ARHGAP30: variants seen among roughly 807,000 people sequenced by gnomAD.
ARHGAP30 encodes the protein rho GTPase-activating protein 30.
In ARHGAP30, 23 loss-of-function variants were observed where a neutral mutation model predicts 72.0. That is an observed-to-expected ratio of 0.32 (90% confidence interval 0.23 to 0.45). The LOEUF is 0.45. Ranked by LOEUF, ARHGAP30 falls within the 20% of genes least tolerant of loss-of-function variation. The pLI is 1.00. For missense variants in ARHGAP30, 1,319 were observed against 1,383.4 expected (o/e 0.95, Z 0.74); for synonymous variants, 576 against 528.2 (o/e 1.09, Z -1.24).
At position 161,051,319 on chromosome 1, in the gene ARHGAP30, G is replaced by C. The variant is rs769962234; in HGVS notation, c.1415C>G (p.Pro472Arg). ...GTCAATCAATGGGTCCTCACCTGGG[G>C]GGCCAGGGCCAAGGCCAGGGCCAGG... is the stretch of plus-strand genomic sequence containing the variant. Reference protein sequence around the residue: ...PGPGPGLGPGPPDEKLEASPA... With the variant: ...PGPGPGLGPGRPDEKLEASPA... Residue 472 changes from proline to arginine, a missense_variant, in exon 10 of 12, where the codon CCC (proline) becomes CGC (arginine). Coordinates refer to ENST00000368013, the MANE Select transcript of ARHGAP30 (RefSeq NM_001025598.2). 5 of 1,596,082 alleles carry C rather than the reference G, an allele frequency of 3.1e-6. No individual in the cohort carries two copies. Among genetic ancestry groups the C allele is most frequent in the Non-Finnish European group, 4.3e-6 (5 of 1,171,092 alleles).
intron 1 of ARHGAP30, among the ~76,000 whole-genome samples, chr1:161,066,015 C>T (rs1652740468): frequency 6.6e-6 from 1 of 151,506 alleles, no homozygotes; most frequent in Non-Finnish European, 1.5e-5. Flanking sequence ...CAGGCGCACA[C>T]CACCATGTCC....
Position 161,052,534 on chromosome 1 carries a change from C to T in ARHGAP30, c.846G>A (p.Gly282=). ...IIEIAEHKRK[G]SLKVRKWRSI... ...ACCTCCACTTCCTGACCTTCAAAGA[C>T]CCCTTCCTCCTACAAAGAATGGAGG... Residue 282 remains glycine (G), a synonymous_variant, in exon 8 of 12, where the codon GGG becomes GGA. Coordinates refer to ENST00000368013, the MANE Select transcript of ARHGAP30 (RefSeq NM_001025598.2). The T allele has an allele frequency of 6.2e-7, 1 of 1,613,934 alleles. No individual in the cohort carries two copies. Among genetic ancestry groups the T allele is most frequent in the Non-Finnish European group, 8.5e-7 (1 of 1,180,004 alleles).
intron 1 of ARHGAP30, among the ~76,000 whole-genome samples, chr1:161,064,827 GAA>G (rs1379442662): frequency 1.5e-5 from 1 of 67,038 alleles, no homozygotes; most frequent in Non-Finnish European, 2.8e-5. Context: ...AAGAAAGAAA[GAA>G]AGAGAAAGAA....
Position 161,048,307 on chromosome 1 carries a change from C to T in ARHGAP30, c.2714G>A (p.Ser905Asn). ...PEEMEPEGQP[S>N]PDGCLCPCSL... ...ACAGGGGCATAGACAGCCGTCTGGA[C>T]TGGGCTGCCCCTCAGGCTCCATCTC... The change falls in exon 12 of 12, where the codon AGT (serine) becomes AAT (asparagine). Residue 905 changes from serine (S) to asparagine (N), a missense_variant. Physicochemically the swap from Ser to Asn is conservative, Grantham distance 46. Coordinates refer to ENST00000368013, the MANE Select transcript of ARHGAP30 (RefSeq NM_001025598.2). The T allele has an allele frequency of 2.5e-6, 4 of 1,614,208 alleles. No homozygotes were observed. The South Asian group carries it at 4.4e-5, about 18-fold the overall frequency.
Position 161,049,150 on chromosome 1 carries a change from G to A in ARHGAP30, c.1871C>T (p.Pro624Leu). 1 of 1,614,180 alleles carries A rather than the reference G, an allele frequency of 6.2e-7. No individual in the cohort carries two copies. The highest frequency in any genetic ancestry group is 8.5e-7 in the Non-Finnish European group (1 of 1,180,032). ...ACTCCCTGAACCCTTCCAGATTGGG[G>A]GTTTAGGTCCCAGAAGGGGACTTAG... ...DDLSPLLGPK[P>L]PIWKGSGSLE... The change falls in exon 12 of 12, where the codon CCC becomes CTC. Residue 624 changes from proline (P) to leucine (L), a missense_variant. By Grantham distance (98) the Pro-to-Leu change is moderately conservative (BLOSUM62 -3). This residue lies in a region of ARHGAP30 where 1,097 missense variants were observed against 1,045.2 expected (regional missense o/e 1.05). Transcript: ENST00000368013.
chr1:161,048,890 C>G lies in ARHGAP30; in HGVS notation c.2131G>C (p.Glu711Gln). The G allele has an allele frequency of 1.9e-6, 3 of 1,614,134 alleles. No individual in the cohort carries two copies. The highest frequency in any genetic ancestry group is 2.5e-6 in the Non-Finnish European group (3 of 1,180,032). Residue 711 changes from glutamate to glutamine, a missense_variant, in exon 12 of 12, where the codon GAA becomes CAA. Physicochemically the swap from Glu to Gln is conservative, Grantham distance 29. This residue lies in a region of ARHGAP30 where 1,097 missense variants were observed against 1,045.2 expected (regional missense o/e 1.05). Transcript: ENST00000368013. Reference protein sequence around the residue: ...TKVRLREGSREETEAKEEKSK... With the variant: ...TKVRLREGSRQETEAKEEKSK... ...TTCTCTTCCTTGGCCTCTGTCTCTT[C>G]CCTACTCCCTTCTCTCAATCTGACT...
rs1557923712 is a variant in ARHGAP30, at chr1:161,053,499, TC to T, written c.537-115del. On this transcript the variant is annotated intron_variant, in intron 5 of 11. Coordinates refer to ENST00000368013, the MANE Select transcript of ARHGAP30 (RefSeq NM_001025598.2). The stretch of plus-strand genomic sequence containing the variant: ...CTCTCTCTCTCTCTCTCTCTCTCTC[TC>T]TCTCTCGAATGACCTTAACCCCTTC... 94 of 873,588 alleles carry T rather than the reference TC, an allele frequency of 1.1e-4. No homozygotes were observed. In the African/African-American group the frequency reaches 6.0e-3, roughly 56 times the overall value. The allele number at this position is 873,588 out of a possible 1,614,324, so 54.1% of individuals were successfully genotyped here.
At chr1:161,051,831 C>A (rs147156836) in intron 9 of ARHGAP30, 116 bp from the exon 10 acceptor site, 9 of 1,436,354 alleles carry the variant, frequency 6.3e-6, no homozygotes, top group Non-Finnish European at 8.2e-6. Context: ...GCAACGATAG[C>A]CTGGAAGGCA....
Position 161,048,575 on chromosome 1 carries a change from C to T in ARHGAP30, c.2446G>A (p.Asp816Asn). ...GYHEARKDQG[D>N]GEDSRSPEAA... The stretch of plus-strand genomic sequence containing the variant: ...TCTGGGCTTCTGCTGTCTTCACCAT[C>T]TCCTTGGTCTTTTCTTGCTTCATGG... The change falls in exon 12 of 12, where the codon GAT (aspartate) becomes AAT (asparagine). Residue 816 changes from aspartate to asparagine, a missense_variant. Physicochemically the swap from Asp to Asn is conservative, Grantham distance 23 (BLOSUM62 1). Coordinates refer to ENST00000368013, the MANE Select transcript of ARHGAP30 (RefSeq NM_001025598.2). 7 of 1,614,136 alleles carry T rather than the reference C, an allele frequency of 4.3e-6. No individual in the cohort carries two copies. Among genetic ancestry groups the T allele is most frequent in the Non-Finnish European group, 5.9e-6 (7 of 1,180,024 alleles).
chr1:161,054,515 G>A (rs756407212), intron 4 of ARHGAP30, 42 bp from the exon 5 acceptor site: 3 of 1,605,440 alleles, frequency 1.9e-6, no homozygotes, highest in Non-Finnish European at 2.6e-6. Flanking sequence ...GAATGCCCAG[G>A]GCAGGCATTA....
intron 1 of ARHGAP30, among the ~76,000 whole-genome samples, chr1:161,065,868 C>CTTAT (rs376275626): frequency 0.12 from 15,706 of 133,126 alleles, 1,114 homozygotes; most frequent in Middle Eastern, 0.21. Flanking sequence ...CACCCGGCCC[C>CTTAT]TTATTTATTT....
At chr1:161,061,894 C>T (rs953539300) in intron 1 of ARHGAP30, among the ~76,000 whole-genome samples, 1 of 152,106 alleles carries the variant, frequency 6.6e-6, no homozygotes, top group Non-Finnish European at 1.5e-5. Context: ...TCGAGACCAG[C>T]CTGGCCAACA....
intron 1 of ARHGAP30, among the ~76,000 whole-genome samples, chr1:161,060,795 G>T (rs1048534316): frequency 6.9e-6 from 1 of 145,296 alleles, no homozygotes; most frequent in Non-Finnish European, 1.5e-5. Flanking sequence ...TCCGCCTCCC[G>T]GGTTCAAGCG....
intron 9 of ARHGAP30, among the ~76,000 whole-genome samples, chr1:161,051,988 C>CGT (rs1557920735): frequency 8.9e-5 from 1 of 11,174 alleles, no homozygotes; most frequent in African/African-American, 3.1e-4. Flanking sequence ...ACCACCACCA[C>CGT]CACCACCACC....
In ARHGAP30 at chr1:161,047,944, T is replaced by C; in HGVS notation, c.3077A>G (p.Asp1026Gly). The change falls in exon 12 of 12, where the codon GAT becomes GGT. Residue 1026 changes from aspartate to glycine, a missense_variant. Asp to Gly is a moderately conservative substitution (Grantham distance 94). Coordinates refer to ENST00000368013, the MANE Select transcript of ARHGAP30 (RefSeq NM_001025598.2). ...GGAGGTTCTGGGGATGAGGCAGTAA[T>C]CCCCACCCTCAGTACAGGTCTGGGT... ...RRTQTCTEGG[D>G]YCLIPRTSPC... 6.2e-7 allele frequency: 1 copy of C among 1,613,634 alleles called. No homozygotes were observed.
At chr1:161,064,852 A>AAGGAAGGAG (rs140825765) in intron 1 of ARHGAP30, among the ~76,000 whole-genome samples, 5 of 132,162 alleles carry the variant, frequency 3.8e-5, no homozygotes, top group South Asian at 4.8e-4. Flanking sequence ...AAAGAAAGGA[A>AAGGAAGGAG]AGGAAGGAGA....
At chr1:161,050,752 T>G (rs1651300215) in intron 10 of ARHGAP30, among the ~76,000 whole-genome samples, 1 of 152,132 alleles carries the variant, frequency 6.6e-6, no homozygotes, top group Admixed American at 6.5e-5. Context: ...GCGATTCTCC[T>G]GCCTCAGCCT....
At position 161,048,210 on chromosome 1, in the gene ARHGAP30, C is replaced by A. The variant is rs1651022940; in HGVS notation, c.2811G>T (p.Val937=). ...TLVQVQQVRS[V]PVVPPKPQFA... ...ACTGTGGCTTGGGGGGCACCACAGG[C>A]ACAGAGCGGACCTGTTGGACCTGAA... Residue 937 remains valine, a synonymous_variant, in exon 12 of 12, where the codon GTG becomes GTT. Transcript: ENST00000368013. 4.3e-6 allele frequency: 7 copies of A among 1,614,184 alleles called. No homozygotes were observed. The East Asian group carries it at 1.6e-4, about 36-fold the overall frequency.
intron 1 of ARHGAP30, among the ~76,000 whole-genome samples, chr1:161,064,843 A>AGG (rs1652636350): frequency 1.2e-5 from 1 of 80,742 alleles, no homozygotes; most frequent in African/African-American, 4.0e-5. Context: ...GAAAGAAAGA[A>AGG]AGAAAGGAAA....
Sources: allele counts gnomAD v4.1 joint callset (sites outside exome capture counted in the v4.1 genomes callset), GRCh38; gene constraint gnomAD v4.1.1; regional missense constraint gnomAD v4.1.1; transcripts MANE v1.5; gene names NCBI Gene and HGNC (gene_info 2026-07-23, HGNC 2026-07-21).